The following VPS35L variants were observed in gnomAD, a reference collection of about 807,000 sequenced individuals.
VPS35L encodes VPS35 endosomal protein-sorting factor-like.
Under a neutral mutation model 133.0 loss-of-function variants are expected in VPS35L, and 83 were observed. The observed-to-expected ratio is 0.62, with a 90% CI of 0.52 to 0.75. The LOEUF (loss-of-function observed/expected upper bound fraction) is 0.75, where lower values mean the gene tolerates loss of function less well. Among genes scored for constraint, VPS35L ranks in the 30% least tolerant of loss-of-function variants. VPS35L has a pLI of 0.00. For synonymous variants in VPS35L, 423 were observed against 449.9 expected, an observed-to-expected ratio of 0.94 and a Z score of 0.76; for missense variants, 1,083 against 1,206.8, an observed-to-expected ratio of 0.90 and a Z score of 1.52.
At chr16:19,556,773 C>G (rs1452762937) in intron 1 of VPS35L, among the ~76,000 whole-genome samples, 2 of 151,066 alleles carry the variant, frequency 1.3e-5, no homozygotes, top group Non-Finnish European at 2.9e-5. Context: ...CACGCTACAT[C>G]AGCATTGAAT....
At chr16:19,688,571 C>G (rs1975547703) in intron 28 of VPS35L, among the ~76,000 whole-genome samples, 2 of 152,198 alleles carry the variant, frequency 1.3e-5, no homozygotes, top group African/African-American at 4.8e-5. Context: ...CAGGCCCGTG[C>G]CAGGTGAGAA....
chr16:19,665,281 T>C (rs899469713), intron 26 of VPS35L, among the ~76,000 whole-genome samples: 2 of 152,234 alleles, frequency 1.3e-5, no homozygotes, highest in East Asian at 3.8e-4. Flanking sequence ...TCATTCTTTC[T>C]ATTTTTATTT....
At chr16:19,662,830 A>G (rs995763644) in intron 26 of VPS35L, among the ~76,000 whole-genome samples, 1 of 152,034 alleles carries the variant, frequency 6.6e-6, no homozygotes, top group Non-Finnish European at 1.5e-5. Context: ...ACATCACCCT[A>G]ACCGAGCTCC....
chr16:19,669,328 A>G (rs1271436289), intron 27 of VPS35L, 29 bp downstream of exon 27: 3 of 1,583,288 alleles, frequency 1.9e-6, no homozygotes, highest in Admixed American at 1.7e-5. Flanking sequence ...ACCGCAGGAC[A>G]TGTCTTCCTT....
At position 19,591,840 on chromosome 16, in the gene VPS35L, A is replaced by AG; in HGVS notation, c.690_691insG (p.Phe231ValfsTer9). ...GTGTTATTCAGTTCTACCCAAGCAAATTTGTCCTTATCACCGACATACTTG... is the reference window on the plus strand; with the variant it reads ...GTGTTATTCAGTTCTACCCAAGCAAAGTTTGTCCTTATCACCGACATACTTG... On this transcript the variant is annotated frameshift_variant, in exon 8 of 31. Coordinates refer to ENST00000417362, the MANE Select transcript of VPS35L (RefSeq NM_020314.7). LOFTEE classifies it high-confidence loss of function. 6.2e-7 allele frequency: 1 copy of AG among 1,612,268 alleles called. No homozygotes were observed. The highest frequency in any genetic ancestry group is 8.5e-7 in the Non-Finnish European group (1 of 1,178,600).
chr16:19,684,300 A>G (rs1273745114), intron 28 of VPS35L, among the ~76,000 whole-genome samples: 3 of 152,098 alleles, frequency 2.0e-5, no homozygotes, highest in African/African-American at 7.2e-5. Flanking sequence ...TAATTTTTGG[A>G]TTCCAAAAAT....
At chr16:19,695,896 A>T (rs867340464) in intron 29 of VPS35L, among the ~76,000 whole-genome samples, 6 of 147,844 alleles carry the variant, frequency 4.1e-5, no homozygotes, top group African/African-American at 1.0e-4. Context: ...CTTTTATTTT[A>T]TTTTTTTTTT....
chr16:19,564,551 A>C (rs1275051841), intron 1 of VPS35L, among the ~76,000 whole-genome samples: 1 of 152,078 alleles, frequency 6.6e-6, no homozygotes, highest in Non-Finnish European at 1.5e-5. Flanking sequence ...GGCGTGCGCC[A>C]CCATACCCAC....
intron 6 of VPS35L, chr16:19,579,813 T>C (rs1971651335): frequency 6.6e-6 from 1 of 152,140 alleles, no homozygotes; most frequent in Non-Finnish European, 1.5e-5. Flanking sequence ...AGGAATCTTT[T>C]AATTGGCCTA....
chr16:19,630,679 G>A (rs1005644203), intron 18 of VPS35L, among the ~76,000 whole-genome samples: 4 of 152,074 alleles, frequency 2.6e-5, no homozygotes, highest in Non-Finnish European at 5.9e-5. Context: ...CTGAATGTCT[G>A]TGCCCTCCCA....
In VPS35L at chr16:19,591,777, T is replaced by TC. The variant is rs1972051027; in HGVS notation, c.640-12dup. 1.2e-6 allele frequency: 2 copies of TC among 1,600,166 alleles called. No individual in the cohort carries two copies. Among genetic ancestry groups the TC allele is most frequent in the Middle Eastern group, 3.3e-4 (2 of 6,028 alleles). Reference sequence around the variant, plus strand: ...TGCCAGAGTGAATTTTCTCTTTTTTTCTCTTTTTTTAGTGTTCAAAGCTTC... The same window carrying TC: ...TGCCAGAGTGAATTTTCTCTTTTTTTCCTCTTTTTTTAGTGTTCAAAGCTTC... On this transcript the variant is annotated splice_polypyrimidine_tract_variant and intron_variant, in intron 7 of 30. Transcript: ENST00000417362.
chr16:19,627,193 G>T (rs1879165621), intron 15 of VPS35L, among the ~76,000 whole-genome samples: 1 of 151,296 alleles, frequency 6.6e-6, no homozygotes, highest in Non-Finnish European at 1.5e-5. Flanking sequence ...TGAGGCAGGA[G>T]AATCACTTGA....
At chr16:19,590,265 T>A (rs1201935092) in intron 7 of VPS35L, among the ~76,000 whole-genome samples, 2 of 151,678 alleles carry the variant, frequency 1.3e-5, no homozygotes, top group Non-Finnish European at 2.9e-5. Flanking sequence ...ATTTAGATGT[T>A]GGGTAACAAC....
intron 3 of VPS35L, among the ~76,000 whole-genome samples, chr16:19,572,307 A>G (rs912337168): frequency 6.6e-6 from 1 of 152,142 alleles, no homozygotes; most frequent in Non-Finnish European, 1.5e-5. Flanking sequence ...AATCCCAGCT[A>G]CTCGGGAGGC....
chr16:19,665,569 C>T (rs1273696256), intron 26 of VPS35L, among the ~76,000 whole-genome samples: 2 of 152,166 alleles, frequency 1.3e-5, no homozygotes, highest in Admixed American at 1.3e-4. Flanking sequence ...TTTTCTTTAT[C>T]CGTTTGTCTG....
At chr16:19,670,508 A>G (rs567114574) in intron 27 of VPS35L, among the ~76,000 whole-genome samples, 1 of 152,346 alleles carries the variant, frequency 6.6e-6, no homozygotes, top group South Asian at 2.1e-4. Context: ...GTTAGTGAGT[A>G]CTCACAATGT....
chr16:19,644,795 C>A, intron 22 of VPS35L, 91 bp from the exon 23 acceptor site: 2 of 846,764 alleles, frequency 2.4e-6, no homozygotes, highest in Non-Finnish European at 3.6e-6. Flanking sequence ...AATGTTCTTA[C>A]CTGTTAAATT....
chr16:19,692,371 G>C (rs1308068286), intron 29 of VPS35L, among the ~76,000 whole-genome samples: 1 of 152,176 alleles, frequency 6.6e-6, no homozygotes, highest in Non-Finnish European at 1.5e-5. Flanking sequence ...CAACAGCCCT[G>C]TGAGATGTAG....
chr16:19,582,672 C>T (rs1971746510), intron 7 of VPS35L, among the ~76,000 whole-genome samples: 1 of 152,190 alleles, frequency 6.6e-6, no homozygotes, highest in Non-Finnish European at 1.5e-5. Flanking sequence ...CTAACAAGTA[C>T]TTCTTCACAA....
Sources: gnomAD v4.1 joint callset for allele counts (sites outside exome capture counted in the v4.1 genomes callset) on GRCh38, gnomAD v4.1.1 for gene constraint, MANE v1.5 for transcripts, NCBI Gene and HGNC (gene_info 2026-07-23, HGNC 2026-07-21) for gene names.